FRRS1: variants seen among roughly 807,000 people sequenced by gnomAD.
FRRS1 encodes ferric reductase 1.
Under a neutral mutation model 70.7 loss-of-function variants are expected in FRRS1, and 51 were observed. The observed-to-expected ratio is 0.72, with a 90% CI of 0.58 to 0.91. FRRS1 has a LOEUF of 0.91. FRRS1 is among the 40% of genes least tolerant of loss of function. FRRS1 has a pLI of 0.00. For missense variants in FRRS1, 672 were observed against 726.0 expected, an observed-to-expected ratio of 0.93 and a Z score of 0.86; for synonymous variants, 225 against 238.7, an observed-to-expected ratio of 0.94 and a Z score of 0.53.
At position 99,719,707 on chromosome 1, in the gene FRRS1, G is replaced by A. The variant is rs1259085732; in HGVS notation, c.1007-60C>T. ...AATAATTACTTCCTCAAATAAAAAA[G>A]GAATTGAGATACGGGCAGGGCATGG... is the stretch of plus-strand genomic sequence containing the variant. On this transcript the variant is annotated intron_variant, in intron 9 of 16. Coordinates refer to ENST00000646001, the MANE Select transcript of FRRS1 (RefSeq NM_001361041.2). The A allele has an allele frequency of 9.5e-6, 9 of 950,242 alleles. No homozygotes were observed. The East Asian group carries it at 2.2e-4, about 23-fold the overall frequency. The allele number at this position is 950,242 out of a possible 1,614,324, so 58.9% of individuals were successfully genotyped here.
chr1:99,712,554 C>A, intron 12 of FRRS1, 39 bp from the exon 13 acceptor site: 1 of 1,149,998 alleles, frequency 8.7e-7, no homozygotes, highest in South Asian at 1.3e-5. Context: ...CTCAATCTCT[C>A]TCATCAATTT....
intron 4 of FRRS1, among the ~76,000 whole-genome samples, chr1:99,745,794 T>G (rs536394038): frequency 6.6e-6 from 1 of 151,964 alleles, no homozygotes; most frequent in East Asian, 1.9e-4. Context: ...TGGTGGGAGG[T>G]GTTTGTGTCA....
At chr1:99,754,386 G>A (rs569380122) in intron 1 of FRRS1, among the ~76,000 whole-genome samples, 1 of 152,176 alleles carries the variant, frequency 6.6e-6, no homozygotes, top group African/African-American at 2.4e-5. Flanking sequence ...GGCTTAGGAG[G>A]GAGGATGACT....
chr1:99,765,795 C>G (rs1037599869), intron 1 of FRRS1: 1 of 152,156 alleles, frequency 6.6e-6, no homozygotes, highest in African/African-American at 2.4e-5. Flanking sequence ...CAGCAGTATA[C>G]TCAGGAGGCT....
rs1655703502 is a variant in FRRS1 at position 99,736,930 on chromosome 1, A to G, written c.759+1156T>C. Among the ~76,000 whole-genome samples, 3 of 151,764 alleles carry G rather than the reference A, an allele frequency of 2.0e-5. No individual in the cohort carries two copies. The South Asian group carries it at 6.2e-4, about 31-fold the overall frequency. ...GATCAAGTGCACTTTCAGGACGAGCATTAGTTTTTCTATTACAGCCATGTC... is the reference window on the plus strand; with the variant it reads ...GATCAAGTGCACTTTCAGGACGAGCGTTAGTTTTTCTATTACAGCCATGTC... On this transcript the variant is annotated intron_variant, in intron 7 of 16. Coordinates refer to ENST00000646001, the MANE Select transcript of FRRS1 (RefSeq NM_001361041.2).
rs200975544 is a variant in FRRS1 at position 99,758,607 on chromosome 1, AAC to A, written c.-106+7998_-106+7999del. 8.1e-3 allele frequency among the ~76,000 whole-genome samples: 863 copies of A among 106,326 alleles called. 9 individuals are homozygous for A. The Middle Eastern group carries it at 0.11, about 14-fold the overall frequency. The allele number at this position is 106,326 out of a possible 152,430, so 69.8% of individuals were successfully genotyped here. A position where few individuals can be genotyped will look rare whatever the true frequency, so the allele number is the denominator to read the frequency against. ...TGTTAACTGTACAAATTGACTGTAA[AAC>A]ATGTGTGTTTGAACAGTATGAAATC... On this transcript the variant is annotated intron_variant, in intron 1 of 16. Transcript: ENST00000646001.
chr1:99,715,571 T>A lies in FRRS1; in HGVS notation c.1323+15A>T. Reference sequence around the variant, plus strand: ...AATGGATTTATAAAAAAAACCCTATTTAAGATATACTTACCCTACTCCAGC... The same window carrying A: ...AATGGATTTATAAAAAAAACCCTATATAAGATATACTTACCCTACTCCAGC... On this transcript the variant is annotated intron_variant, in intron 12 of 16. Coordinates refer to ENST00000646001, the MANE Select transcript of FRRS1 (RefSeq NM_001361041.2). 6.7e-7 allele frequency: 1 copy of A among 1,495,976 alleles called. No individual in the cohort carries two copies. Among genetic ancestry groups the A allele is most frequent in the Non-Finnish European group, 9.3e-7 (1 of 1,077,066 alleles). The allele number at this position is 1,495,976 out of a possible 1,614,324, so 92.7% of individuals were successfully genotyped here. A position where few individuals can be genotyped will look rare whatever the true frequency, so the allele number is the denominator to read the frequency against.
chr1:99,750,468 A>C lies in FRRS1; in HGVS notation c.-105-1467T>G, dbSNP rs1365096037. On this transcript the variant is annotated intron_variant, in intron 1 of 16. Coordinates refer to ENST00000646001, the MANE Select transcript of FRRS1 (RefSeq NM_001361041.2). ...TAGACCAGGAATTTAAAACATTATGATTAAGATGCTAAATGCTCCAATGGA... is the reference window on the plus strand; with the variant it reads ...TAGACCAGGAATTTAAAACATTATGCTTAAGATGCTAAATGCTCCAATGGA... Among the ~76,000 whole-genome samples, 7 of 152,212 alleles carry C rather than the reference A, an allele frequency of 4.6e-5. 1 individual carries two copies. Among genetic ancestry groups the C allele is most frequent in the Admixed American group, 3.3e-4 (5 of 15,272 alleles).
chr1:99,761,788 T>TA (rs11357060), intron 1 of FRRS1, among the ~76,000 whole-genome samples: 38 of 147,926 alleles, frequency 2.6e-4, no homozygotes, highest in East Asian at 1.6e-3. Context: ...ACAGAGCTTA[T>TA]AAAAAAAAAA....
chr1:99,724,708 T>C (rs923061989), intron 9 of FRRS1, among the ~76,000 whole-genome samples: 6 of 152,090 alleles, frequency 3.9e-5, no homozygotes, highest in East Asian at 1.9e-4. Flanking sequence ...TACAAAAAGA[T>C]TGGAAAATTC....
Position 99,728,580 on chromosome 1 carries a change from T to C in FRRS1, c.919A>G (p.Arg307Gly). ...TTAACTCCAGGAAGGGTAATGTTTC[T>C]TCTGAAAGAACACTGCATAACACCG... ...ADGVMQCSFR[R>G]NITLPGVKNR... The change falls in exon 9 of 17, where the codon AGA (arginine) becomes GGA (glycine). Residue 307 changes from arginine (R) to glycine (G), a missense_variant. Arg to Gly is a moderately radical substitution (Grantham distance 125, BLOSUM62 -2). Coordinates refer to ENST00000646001, the MANE Select transcript of FRRS1 (RefSeq NM_001361041.2). The C allele has an allele frequency of 6.2e-7, 1 of 1,613,902 alleles. No homozygotes were observed. Among genetic ancestry groups the C allele is most frequent in the Non-Finnish European group, 8.5e-7 (1 of 1,179,782 alleles).
rs1654005813 is a variant in FRRS1 at position 99,705,265 on chromosome 1, C to T, written c.*3763G>A. The stretch of plus-strand genomic sequence containing the variant: ...TGCAAGGGGGACAAGGGAACATTTC[C>T]CGTTTCACTGAGAAGGGCATTCCAG... On this transcript the variant is annotated 3_prime_UTR_variant, in exon 17 of 17. Transcript: ENST00000646001. Among the ~76,000 whole-genome samples the T allele has an allele frequency of 6.6e-6, 1 of 152,200 alleles. No homozygotes were observed. Among genetic ancestry groups the T allele is most frequent in the Non-Finnish European group, 1.5e-5 (1 of 68,040 alleles).
At chr1:99,745,882 TC>T (rs964408666) in intron 4 of FRRS1, among the ~76,000 whole-genome samples, 2 of 151,390 alleles carry the variant, frequency 1.3e-5, no homozygotes, top group Non-Finnish European at 3.0e-5. Context: ...ATGTGGCACC[TC>T]CCCCCCCACT....
chr1:99,728,954 A>G (rs1004261888), intron 8 of FRRS1, among the ~76,000 whole-genome samples: 2 of 152,254 alleles, frequency 1.3e-5, no homozygotes, highest in African/African-American at 4.8e-5. Context: ...GTATACAATC[A>G]AAAACATTGA....
At chr1:99,744,655 A>G (rs1262802998) in intron 4 of FRRS1, among the ~76,000 whole-genome samples, 6 of 152,030 alleles carry the variant, frequency 3.9e-5, no homozygotes, top group Non-Finnish European at 5.9e-5. Flanking sequence ...GCGTGGTGGC[A>G]CATGCCTGTA....
At chr1:99,732,625 G>A (rs1655448757) in intron 7 of FRRS1, among the ~76,000 whole-genome samples, 1 of 152,214 alleles carries the variant, frequency 6.6e-6, no homozygotes. Flanking sequence ...GGACTTCTAG[G>A]ACCAATGATA....
intron 9 of FRRS1, among the ~76,000 whole-genome samples, chr1:99,721,274 G>A (rs559452776): frequency 6.6e-6 from 1 of 151,916 alleles, no homozygotes; most frequent in South Asian, 2.1e-4. Flanking sequence ...AGCTACTCAG[G>A]AGGCTGAGGC....
At chr1:99,737,333 G>A (rs1412005885) in intron 7 of FRRS1, among the ~76,000 whole-genome samples, 1 of 152,100 alleles carries the variant, frequency 6.6e-6, no homozygotes, top group Non-Finnish European at 1.5e-5. Context: ...CATGCTGCCT[G>A]GATATACAAG....
At chr1:99,754,457 C>T (rs1191038314) in intron 1 of FRRS1, among the ~76,000 whole-genome samples, 1 of 151,390 alleles carries the variant, frequency 6.6e-6, no homozygotes, top group Non-Finnish European at 1.5e-5. Flanking sequence ...GCACTCCTGC[C>T]TGAGCAACAG....
Sources: gnomAD v4.1 joint callset for allele counts (sites outside exome capture counted in the v4.1 genomes callset) on GRCh38, gnomAD v4.1.1 for gene constraint, MANE v1.5 for transcripts, NCBI Gene and HGNC (gene_info 2026-07-23, HGNC 2026-07-21) for gene names.